The following RAP1GAP2 variants were observed in gnomAD, a reference collection of about 807,000 sequenced individuals.
RAP1GAP2 encodes the protein RAP1 GTPase activating protein 2.
Under a neutral mutation model 95.0 loss-of-function variants are expected in RAP1GAP2, and 27 were observed. That is an observed-to-expected ratio of 0.28 (90% confidence interval 0.21 to 0.39). The LOEUF (loss-of-function observed/expected upper bound fraction) is 0.39. RAP1GAP2 is among the 10% of genes least tolerant of loss of function. The pLI, the probability that RAP1GAP2 is intolerant of heterozygous loss-of-function variation, is 1.00. For synonymous variants in RAP1GAP2, 373 were observed against 380.9 expected (o/e 0.98, Z 0.24); for missense variants, 771 against 970.0 (o/e 0.79, Z 2.72).
At chr17:2,820,889 ATGG>A (rs2151518650) in intron 2 of RAP1GAP2, among the ~76,000 whole-genome samples, 1 of 73,386 alleles carries the variant, frequency 1.4e-5, no homozygotes, top group East Asian at 4.3e-4. Context: ...GGCCCGGATA[ATGG>A]TTTTTTTTTT....
rs567612679 is a variant in RAP1GAP2, at chr17:2,836,461, A to G, written c.80+35911A>G. ...ATCCTGACCAACATGGTGAGACCCC[A>G]TCTCTCTTAAAAACACAAAAATCAG... is the stretch of plus-strand genomic sequence containing the variant. On this transcript the variant is annotated intron_variant, in intron 2 of 24. Transcript: ENST00000254695. 5.3e-3 allele frequency among the ~76,000 whole-genome samples: 809 copies of G among 152,016 alleles called. 7 individuals carry two copies. Among genetic ancestry groups the G allele is most frequent in the African/African-American group, 0.019 (782 of 41,466 alleles).
chr17:2,898,282 G>A (rs2041906594), intron 2 of RAP1GAP2, among the ~76,000 whole-genome samples: 1 of 152,178 alleles, frequency 6.6e-6, no homozygotes, highest in Admixed American at 6.5e-5. Context: ...CTCAGAGTAT[G>A]TGCTGGGATG....
intron 17 of RAP1GAP2, among the ~76,000 whole-genome samples, chr17:3,014,348 C>G (rs2046681523): frequency 6.6e-6 from 1 of 152,168 alleles, no homozygotes; most frequent in Non-Finnish European, 1.5e-5. Context: ...TACTAAACAT[C>G]TAAATATGGA....
intron 1 of RAP1GAP2, chr17:2,770,180 C>T: frequency 2.5e-6 from 1 of 395,578 alleles, no homozygotes; most frequent in East Asian, 3.6e-5. Context: ...TAATGATGGC[C>T]CTCTGGAAAC....
chr17:2,809,301 G>A (rs1324014950), intron 2 of RAP1GAP2, among the ~76,000 whole-genome samples: 1 of 152,264 alleles, frequency 6.6e-6, no homozygotes, highest in African/African-American at 2.4e-5. Context: ...TGAGATGAGT[G>A]TGGGACAGTG....
intron 2 of RAP1GAP2, among the ~76,000 whole-genome samples, chr17:2,811,422 C>T (rs569290397): frequency 2.0e-5 from 3 of 152,306 alleles, no homozygotes; most frequent in East Asian, 3.9e-4. Context: ...GACGTGCTGG[C>T]CCCTGGTTCT....
At chr17:2,983,398 C>T (rs945964119) in intron 10 of RAP1GAP2, among the ~76,000 whole-genome samples, 6 of 152,108 alleles carry the variant, frequency 3.9e-5, no homozygotes, top group African/African-American at 1.4e-4. Context: ...CATTCAAGTG[C>T]GTTGACATGC....
At chr17:2,964,890 T>G (rs2044522010) in intron 7 of RAP1GAP2, 1 of 152,690 alleles carries the variant, frequency 6.5e-6, no homozygotes, top group South Asian at 2.1e-4. Flanking sequence ...TGAGGCCGCT[T>G]TGCAGAGTCT....
At chr17:2,834,921 T>TA (rs1355664270) in intron 2 of RAP1GAP2, among the ~76,000 whole-genome samples, 1 of 151,990 alleles carries the variant, frequency 6.6e-6, no homozygotes, top group East Asian at 1.9e-4. Context: ...ATTAATTAAT[T>TA]ATTATTATTA....
chr17:2,772,579 G>A (rs1398771128), upstream of RAP1GAP2, among the ~76,000 whole-genome samples: 1 of 152,130 alleles, frequency 6.6e-6, no homozygotes, highest in Non-Finnish European at 1.5e-5. Flanking sequence ...ACAGACGTGA[G>A]CCACTGTGCC....
chr17:2,974,096 C>G (rs1200788109), intron 8 of RAP1GAP2, among the ~76,000 whole-genome samples: 2 of 151,516 alleles, frequency 1.3e-5, no homozygotes, highest in African/African-American at 2.4e-5. Context: ...AATCCCAGCA[C>G]CTTGGGAGGC....
chr17:2,873,851 C>T (rs867725271), intron 2 of RAP1GAP2, among the ~76,000 whole-genome samples: 2 of 152,128 alleles, frequency 1.3e-5, no homozygotes, highest in African/African-American at 4.8e-5. Flanking sequence ...CAACCTCCGC[C>T]TCCTGGGTAC....
chr17:2,918,966 C>T (rs997138828), intron 3 of RAP1GAP2, among the ~76,000 whole-genome samples: 6 of 152,046 alleles, frequency 3.9e-5, no homozygotes, highest in Admixed American at 6.6e-5. Context: ...CTGAAATGTG[C>T]GGAGAATAGC....
intron 1 of RAP1GAP2, among the ~76,000 whole-genome samples, chr17:2,789,962 G>A (rs868258478): frequency 1.6e-4 from 24 of 152,156 alleles, no homozygotes; most frequent in African/African-American, 4.8e-4. Flanking sequence ...GGTGGGCAGT[G>A]ATCTGTGGAC....
At chr17:2,757,898 C>G (rs1384894233) in intron 1 of RAP1GAP2, among the ~76,000 whole-genome samples, 2 of 149,874 alleles carry the variant, frequency 1.3e-5, no homozygotes, top group Non-Finnish European at 3.0e-5. Flanking sequence ...GAGATGGAGT[C>G]TCACACTGTC....
Position 2,963,318 on chromosome 17 carries a change from C to G in RAP1GAP2, c.247-112C>G. On this transcript the variant is annotated intron_variant, in intron 5 of 24. Coordinates refer to ENST00000254695, the MANE Select transcript of RAP1GAP2 (RefSeq NM_015085.5). This position sits in a 1 kb window ranked among gnomAD's most constrained non-coding sequence, Gnocchi z 4.8. ...CTGAGCTGTTCTTCCATCGAATGTTCCTCCCTCAAAGCCCCCCCACAACAT... is the reference window on the plus strand; with the variant it reads ...CTGAGCTGTTCTTCCATCGAATGTTGCTCCCTCAAAGCCCCCCCACAACAT... 3 of 1,205,700 alleles carry G rather than the reference C, an allele frequency of 2.5e-6. No individual in the cohort carries two copies. Among genetic ancestry groups the G allele is most frequent in the Non-Finnish European group, 3.7e-6 (3 of 812,184 alleles). 74.7% of individuals were successfully genotyped at this position (1,205,700 alleles called of 1,614,324 possible).
Position 3,027,211 on chromosome 17 carries a change from C to T in RAP1GAP2, c.2107+141C>T, listed in dbSNP as rs563765486. 99 of 1,101,112 alleles carry T rather than the reference C, an allele frequency of 9.0e-5. No homozygotes were observed. The highest frequency in any genetic ancestry group is 1.1e-4 in the African/African-American group (7 of 62,250). 68.2% of individuals were successfully genotyped at this position (1,101,112 alleles called of 1,614,324 possible). A position where few individuals can be genotyped will look rare whatever the true frequency, so the allele number is the denominator to read the frequency against. On this transcript the variant is annotated intron_variant, in intron 22 of 24. Transcript: ENST00000254695. This position sits in a 1 kb window ranked among gnomAD's most constrained non-coding sequence, Gnocchi z 5.2. ...TGTGAGGCCCTCCGCTCTGTGCGCC[C>T]GCCTCTTCTGTTCATCAGCCTTAAG...
chr17:2,985,950 T>G (rs936897251), intron 11 of RAP1GAP2, among the ~76,000 whole-genome samples: 3 of 152,138 alleles, frequency 2.0e-5, no homozygotes, highest in Non-Finnish European at 2.9e-5. Context: ...ACACACTGTT[T>G]CCTCACCGAG....
chr17:2,833,426 C>T (rs1017501985), intron 2 of RAP1GAP2, among the ~76,000 whole-genome samples: 12 of 151,920 alleles, frequency 7.9e-5, no homozygotes, highest in Non-Finnish European at 1.2e-4. Context: ...GGTGAGCCAC[C>T]GCGCCTGGCC....
Sources: allele counts gnomAD v4.1 joint callset (sites outside exome capture counted in the v4.1 genomes callset), GRCh38; gene constraint gnomAD v4.1.1; non-coding constraint Gnocchi (gnomAD v3.1); transcripts MANE v1.5; gene names NCBI Gene and HGNC (gene_info 2026-07-23, HGNC 2026-07-21).